PARPBP: variants seen among roughly 807,000 people sequenced by gnomAD.
PARPBP encodes the protein PCNA-interacting partner.
Under a neutral mutation model 50.0 loss-of-function variants are expected in PARPBP, and 52 were observed. The observed-to-expected ratio is 1.04, with a 90% CI of 0.83 to 1.31. The LOEUF (loss-of-function observed/expected upper bound fraction) is 1.31, where lower values mean the gene tolerates loss of function less well. Among genes scored for constraint, PARPBP ranks in the 50% most tolerant of loss-of-function variants. The pLI is 0.00. For synonymous variants in PARPBP, 244 were observed against 232.1 expected (o/e 1.05, Z -0.47); for missense variants, 697 against 672.0 (o/e 1.04, Z -0.41).
At chr12:102,147,482 C>T (rs1278798288) in intron 2 of PARPBP, among the ~76,000 whole-genome samples, 5 of 148,162 alleles carry the variant, frequency 3.4e-5, no homozygotes, top group African/African-American at 5.0e-5. Context: ...AACCAAACAC[C>T]GCATGTTCTC....
chr12:102,161,648 T>C (rs1887606838), intron 4 of PARPBP, among the ~76,000 whole-genome samples: 1 of 152,046 alleles, frequency 6.6e-6, no homozygotes, highest in African/African-American at 2.4e-5. Flanking sequence ...TGGCTAGGCA[T>C]GGTGGCTCAT....
intron 2 of PARPBP, among the ~76,000 whole-genome samples, chr12:102,145,708 A>G (rs1200783561): frequency 2.0e-5 from 3 of 152,234 alleles, no homozygotes; most frequent in Non-Finnish European, 2.9e-5. Context: ...TGGGATAGAT[A>G]GAAATTCTGT....
At chr12:102,136,166 T>C (rs1266842705) in intron 2 of PARPBP, among the ~76,000 whole-genome samples, 1 of 152,250 alleles carries the variant, frequency 6.6e-6, no homozygotes, top group East Asian at 1.9e-4. Context: ...TTAAGCTAGA[T>C]ACCCTATTTT....
intron 2 of PARPBP, among the ~76,000 whole-genome samples, chr12:102,128,421 C>T (rs1381893485): frequency 1.1e-4 from 16 of 152,100 alleles, no homozygotes; most frequent in Admixed American, 7.9e-4. Context: ...TTAGTAAAGA[C>T]GGGGTTTCAC....
chr12:102,185,584 G>A (rs937354281), intron 9 of PARPBP, among the ~76,000 whole-genome samples: 1 of 152,152 alleles, frequency 6.6e-6, no homozygotes, highest in East Asian at 1.9e-4. Context: ...AGTAGGATTG[G>A]TATTAGTTCT....
chr12:102,126,058 C>T (rs1312019735), intron 2 of PARPBP, among the ~76,000 whole-genome samples: 1 of 152,228 alleles, frequency 6.6e-6, no homozygotes, highest in Non-Finnish European at 1.5e-5. Context: ...ACTTCATTGG[C>T]AAATCTCTTC....
chr12:102,181,454 C>G (rs1380704073), intron 8 of PARPBP, among the ~76,000 whole-genome samples: 1 of 152,054 alleles, frequency 6.6e-6, no homozygotes, highest in Non-Finnish European at 1.5e-5. Flanking sequence ...TATTACACAC[C>G]TAGGCTACAA....
intron 2 of PARPBP, 58 bp downstream of exon 2, chr12:102,124,099 C>T: frequency 8.8e-7 from 1 of 1,132,024 alleles, no homozygotes; most frequent in Non-Finnish European, 1.3e-6. Flanking sequence ...CATTGCTGCC[C>T]ATTTGAATAA....
At chr12:102,187,221 G>A (rs1460771434) in intron 9 of PARPBP, among the ~76,000 whole-genome samples, 1 of 152,176 alleles carries the variant, frequency 6.6e-6, no homozygotes, top group East Asian at 1.9e-4. Flanking sequence ...AGATTTCAGA[G>A]TGAAGAGGCA....
intron 8 of PARPBP, among the ~76,000 whole-genome samples, chr12:102,179,094 C>T (rs1213672592): frequency 2.2e-4 from 34 of 152,112 alleles, no homozygotes; most frequent in Admixed American, 2.2e-3. Context: ...GCCTTCCCAA[C>T]CAACATGTTC....
At chr12:102,156,322 G>A (rs528748599) in intron 4 of PARPBP, among the ~76,000 whole-genome samples, 6 of 151,080 alleles carry the variant, frequency 4.0e-5, no homozygotes, top group African/African-American at 1.5e-4. Flanking sequence ...GCGTAGCTGG[G>A]ACTACAGGTG....
intron 2 of PARPBP, among the ~76,000 whole-genome samples, chr12:102,141,609 T>C (rs1404087493): frequency 6.6e-6 from 1 of 152,226 alleles, no homozygotes; most frequent in Non-Finnish European, 1.5e-5. Context: ...GGCATGTTTT[T>C]GCAGTGGCTG....
At chr12:102,139,958 T>A (rs1884290500) in intron 2 of PARPBP, among the ~76,000 whole-genome samples, 1 of 152,160 alleles carries the variant, frequency 6.6e-6, no homozygotes, top group Non-Finnish European at 1.5e-5. Context: ...TTTTGTTGTG[T>A]CTCTGCCAGG....
At chr12:102,121,214 C>A (rs935160111) in intron 1 of PARPBP, among the ~76,000 whole-genome samples, 2 of 152,168 alleles carry the variant, frequency 1.3e-5, no homozygotes, top group Admixed American at 1.3e-4. Flanking sequence ...CAGGGGTTGG[C>A]AAACTGGCTG....
At chr12:102,166,135 T>C (rs1888118136) in intron 6 of PARPBP, among the ~76,000 whole-genome samples, 1 of 152,164 alleles carries the variant, frequency 6.6e-6, no homozygotes, top group Non-Finnish European at 1.5e-5. Flanking sequence ...TTACCATTTA[T>C]TTTTATCTGG....
intron 4 of PARPBP, among the ~76,000 whole-genome samples, chr12:102,161,185 A>T (rs547734608): frequency 6.7e-6 from 1 of 149,506 alleles, no homozygotes; most frequent in East Asian, 2.0e-4. Flanking sequence ...GGCTCACTGC[A>T]ATCTACACCT....
chr12:102,182,996 C>T (rs1889980336), intron 9 of PARPBP, among the ~76,000 whole-genome samples: 1 of 152,100 alleles, frequency 6.6e-6, no homozygotes, highest in South Asian at 2.1e-4. Flanking sequence ...TAAATTTGCT[C>T]CTGTCTGAAG....
At chr12:102,179,545 T>C (rs1382286696) in intron 8 of PARPBP, among the ~76,000 whole-genome samples, 2 of 152,216 alleles carry the variant, frequency 1.3e-5, no homozygotes, top group African/African-American at 4.8e-5. Flanking sequence ...CTTTTTGCTG[T>C]GTGGTCACAT....
intron 6 of PARPBP, among the ~76,000 whole-genome samples, chr12:102,173,619 A>G (rs117044069): frequency 0.014 from 2,059 of 152,192 alleles, 23 homozygotes; most frequent in Non-Finnish European, 0.022. Context: ...AACTTCAAAA[A>G]TATAAAATAC....
Sources: allele counts gnomAD v4.1 joint callset (sites outside exome capture counted in the v4.1 genomes callset), GRCh38; gene constraint gnomAD v4.1.1; transcripts MANE v1.5; gene names NCBI Gene and HGNC (gene_info 2026-07-23, HGNC 2026-07-21).